Variants in WDFY2 observed in about 807,000 individuals in gnomAD.
WDFY2 encodes WD repeat and FYVE domain containing 2, also known as WD repeat and FYVE domain-containing protein 2.
WDFY2 carries 36 observed loss-of-function variants against 56.4 expected under a neutral mutation model. The observed-to-expected ratio is 0.64, with a 90% CI of 0.49 to 0.84. The LOEUF (loss-of-function observed/expected upper bound fraction) is 0.84. Ranked by LOEUF, WDFY2 falls within the 40% of genes least tolerant of loss-of-function variation. The probability of loss-of-function intolerance (pLI) is 0.00; values close to 1 mark genes in which losing one functional copy is unlikely to be tolerated. For synonymous variants in WDFY2, 176 were observed against 183.7 expected, an observed-to-expected ratio of 0.96 and a Z score of 0.34; for missense variants, 444 against 512.2, an observed-to-expected ratio of 0.87 and a Z score of 1.29.
At chr13:51,734,161 G>A (rs982255834) in intron 6 of WDFY2, among the ~76,000 whole-genome samples, 1 of 152,110 alleles carries the variant, frequency 6.6e-6, no homozygotes, top group Non-Finnish European at 1.5e-5. Context: ...AGACCCAGCA[G>A]TTTCCAACCC....
rs948756043 is a variant in WDFY2, at chr13:51,762,671, T to G, written c.*2902T>G. ...TAGGAGTAAAAGCTGGCGCCAGCAC[T>G]TGGCTCTTGTTCTGTCTAGGTGAAC... is the stretch of plus-strand genomic sequence containing the variant. On this transcript the variant is annotated 3_prime_UTR_variant, in exon 12 of 12. Coordinates refer to ENST00000298125, the MANE Select transcript of WDFY2 (RefSeq NM_052950.4). 2 of 152,256 alleles carry G rather than the reference T, an allele frequency of 1.3e-5. No homozygotes were observed. The highest frequency in any genetic ancestry group is 2.9e-5 in the Non-Finnish European group (2 of 68,038). 9.4% of individuals were successfully genotyped at this position (152,256 alleles called of 1,614,324 possible). A position where few individuals can be genotyped will look rare whatever the true frequency, so the allele number is the denominator to read the frequency against.
At chr13:51,704,344 A>G (rs1269779692) in intron 4 of WDFY2, among the ~76,000 whole-genome samples, 1 of 152,236 alleles carries the variant, frequency 6.6e-6, no homozygotes, top group Non-Finnish European at 1.5e-5. Flanking sequence ...ATTTTCTCAC[A>G]TATCATTCAT....
rs189420974 is a variant in WDFY2 at position 51,613,191 on chromosome 13, A to G, written c.137+28367A>G. Reference sequence around the variant, plus strand: ...GCCACTGCACTCCAGCCTGGGTGACATAATGAGACCCTGTCTCTAAAAAAT... The same window carrying G: ...GCCACTGCACTCCAGCCTGGGTGACGTAATGAGACCCTGTCTCTAAAAAAT... On this transcript the variant is annotated intron_variant, in intron 1 of 11. Transcript: ENST00000298125. Among the ~76,000 whole-genome samples, 172 of 152,146 alleles carry G rather than the reference A, an allele frequency of 1.1e-3. 1 individual carries two copies. The highest frequency in any genetic ancestry group is 4.0e-3 in the African/African-American group (167 of 41,484).
At chr13:51,716,776 T>C (rs998571887) in intron 4 of WDFY2, among the ~76,000 whole-genome samples, 5 of 112,608 alleles carry the variant, frequency 4.4e-5, no homozygotes, top group African/African-American at 1.6e-4. Context: ...ATATCTCTCA[T>C]GAAAAAAAAA....
intron 1 of WDFY2, among the ~76,000 whole-genome samples, chr13:51,658,961 C>T (rs933667399): frequency 6.6e-6 from 1 of 152,044 alleles, no homozygotes; most frequent in Non-Finnish European, 1.5e-5. Flanking sequence ...GAGTCTTGCT[C>T]TGTCGCCCAG....
At chr13:51,604,692 A>G (rs978276656) in intron 1 of WDFY2, among the ~76,000 whole-genome samples, 10 of 152,234 alleles carry the variant, frequency 6.6e-5, no homozygotes, top group African/African-American at 2.4e-4. Flanking sequence ...CAGAAACCAC[A>G]TGTGGCTAAT....
chr13:51,722,698 G>A (rs796286050), intron 5 of WDFY2, among the ~76,000 whole-genome samples: 8 of 152,266 alleles, frequency 5.3e-5, no homozygotes, highest in Admixed American at 1.3e-4. Context: ...ACTGTTAGCC[G>A]GCAGAACCAG....
At chr13:51,610,326 G>A (rs1954474943) in intron 1 of WDFY2, among the ~76,000 whole-genome samples, 1 of 151,432 alleles carries the variant, frequency 6.6e-6, no homozygotes, top group South Asian at 2.1e-4. Context: ...CAGGGATTTG[G>A]GAAGCATGAA....
intron 1 of WDFY2, among the ~76,000 whole-genome samples, chr13:51,595,847 G>A (rs1441622048): frequency 1.3e-5 from 2 of 152,148 alleles, no homozygotes; most frequent in Non-Finnish European, 2.9e-5. Flanking sequence ...GGTGGGTATT[G>A]GTAAATTAAG....
At chr13:51,719,892 T>C (rs1201905929) in intron 5 of WDFY2, among the ~76,000 whole-genome samples, 2 of 152,160 alleles carry the variant, frequency 1.3e-5, no homozygotes, top group African/African-American at 2.4e-5. Context: ...TCAGATTATA[T>C]AGAGGGATAT....
chr13:51,706,347 G>A (rs1260444048), intron 4 of WDFY2, among the ~76,000 whole-genome samples: 1 of 152,176 alleles, frequency 6.6e-6, no homozygotes, highest in African/African-American at 2.4e-5. Context: ...GCTGTCTTGG[G>A]GAGATGGAGA....
chr13:51,755,334 C>T (rs773693990), intron 8 of WDFY2, 24 bp from the exon 9 acceptor site: 6 of 1,610,862 alleles, frequency 3.7e-6, no homozygotes, highest in Non-Finnish European at 5.1e-6. Context: ...CCACAGTGAC[C>T]TGTTCTGTGC....
intron 9 of WDFY2, among the ~76,000 whole-genome samples, chr13:51,755,737 G>A (rs1310179277): frequency 1.3e-5 from 2 of 152,172 alleles, no homozygotes; most frequent in African/African-American, 4.8e-5. Context: ...GAGGTGTCAT[G>A]CTTAGTTCGT....
At chr13:51,677,097 G>A (rs1955901410) in intron 3 of WDFY2, among the ~76,000 whole-genome samples, 1 of 152,164 alleles carries the variant, frequency 6.6e-6, no homozygotes, top group Non-Finnish European at 1.5e-5. Flanking sequence ...GCTATTTATT[G>A]TATATAAGAG....
rs547209929 is a variant in WDFY2 at position 51,753,540 on chromosome 13, C to T, written c.832-1818C>T. Among the ~76,000 whole-genome samples, 6 of 152,282 alleles carry T rather than the reference C, an allele frequency of 3.9e-5. No individual in the cohort carries two copies. The South Asian group carries it at 1.2e-3, about 32-fold the overall frequency. Reference sequence around the variant, plus strand: ...ATACTACCACCATCCAGAAATATCACTCTGAACATGTTGGCACACATCCTT... The same window carrying T: ...ATACTACCACCATCCAGAAATATCATTCTGAACATGTTGGCACACATCCTT... On this transcript the variant is annotated intron_variant, in intron 8 of 11. Coordinates refer to ENST00000298125, the MANE Select transcript of WDFY2 (RefSeq NM_052950.4).
At position 51,761,664 on chromosome 13, in the gene WDFY2, A is replaced by C. The variant is rs1020453481; in HGVS notation, c.*1895A>C. The C allele has an allele frequency of 6.6e-6, 1 of 152,074 alleles. No homozygotes were observed. The highest frequency in any genetic ancestry group is 2.4e-5 in the African/African-American group (1 of 41,408). 9.4% of individuals were successfully genotyped at this position (152,074 alleles called of 1,614,324 possible). A position where few individuals can be genotyped will look rare whatever the true frequency, so the allele number is the denominator to read the frequency against. The stretch of plus-strand genomic sequence containing the variant: ...CCTCACAATCATTCATTACTTCTCT[A>C]ACTAGGGGGAAGTACTACAAGCTGT... On this transcript the variant is annotated 3_prime_UTR_variant, in exon 12 of 12. Transcript: ENST00000298125.
chr13:51,585,051 G>A (rs1953910674), intron 1 of WDFY2, among the ~76,000 whole-genome samples: 1 of 152,246 alleles, frequency 6.6e-6, no homozygotes, highest in East Asian at 1.9e-4. Context: ...CTTCACCCCG[G>A]GCTGGGTAGT....
chr13:51,756,195 T>G, intron 9 of WDFY2, 137 bp from the exon 10 acceptor site: 1 of 1,287,740 alleles, frequency 7.8e-7, no homozygotes, highest in Non-Finnish European at 1.1e-6. Flanking sequence ...TGTGTTCCCT[T>G]TAGTTCTGGG....
At chr13:51,691,263 TC>T (rs1207022186) in intron 3 of WDFY2, among the ~76,000 whole-genome samples, 1 of 152,044 alleles carries the variant, frequency 6.6e-6, no homozygotes, top group African/African-American at 2.4e-5. Context: ...AGACATGAAG[TC>T]CTTGCCCATG....
Sources: allele counts gnomAD v4.1 joint callset (sites outside exome capture counted in the v4.1 genomes callset), GRCh38; gene constraint gnomAD v4.1.1; transcripts MANE v1.5; gene names NCBI Gene and HGNC (gene_info 2026-07-23, HGNC 2026-07-21).